The following GXYLT2 variants were observed in gnomAD, a reference collection of about 807,000 sequenced individuals.
The protein encoded by GXYLT2 is glucoside xylosyltransferase 2, also known as glycosyltransferase 8 domain containing 4.
In GXYLT2, 53 loss-of-function variants were observed where a neutral mutation model predicts 45.8. The observed-to-expected ratio is 1.16, with a 90% CI of 0.93 to 1.46. The LOEUF (loss-of-function observed/expected upper bound fraction) is 1.46. Among genes scored for constraint, GXYLT2 ranks in the 40% most tolerant of loss-of-function variants. GXYLT2 has a pLI of 0.00. For missense variants in GXYLT2, 551 were observed against 544.4 expected (o/e 1.01, Z -0.12); for synonymous variants, 219 against 214.2 (o/e 1.02, Z -0.19).
In GXYLT2 at chr3:72,920,819, T is replaced by TGTA. The variant is rs1491486551; in HGVS notation, c.469-1385_469-1384insGTA. ...ACATGCATATATATATATATATGTA[T>TGTA]TTTTTTTTTTTTTTAGTCAGAGTCT... On this transcript the variant is annotated intron_variant, in intron 2 of 6. Coordinates refer to ENST00000389617, the MANE Select transcript of GXYLT2 (RefSeq NM_001080393.2). Among the ~76,000 whole-genome samples the TGTA allele has an allele frequency of 5.0e-3, 482 of 96,532 alleles. 4 individuals carry two copies. Among genetic ancestry groups the TGTA allele is most frequent in the African/African-American group, 0.03 (453 of 14,986 alleles). 63.3% of individuals were successfully genotyped at this position (96,532 alleles called of 152,430 possible).
chr3:72,893,824 A>G (rs1709229905), intron 1 of GXYLT2, among the ~76,000 whole-genome samples: 1 of 151,732 alleles, frequency 6.6e-6, no homozygotes, highest in Non-Finnish European at 1.5e-5. Flanking sequence ...AATAGGTTTT[A>G]TTTTTTATTA....
chr3:72,967,251 A>C (rs1159408680), intron 5 of GXYLT2, among the ~76,000 whole-genome samples: 2 of 152,214 alleles, frequency 1.3e-5, no homozygotes, highest in Non-Finnish European at 2.9e-5. Context: ...GTTTTGAGTG[A>C]GAGAGTTGAG....
intron 3 of GXYLT2, among the ~76,000 whole-genome samples, chr3:72,938,889 A>G (rs1270292238): frequency 6.6e-6 from 1 of 152,130 alleles, no homozygotes. Context: ...GCTTTGCTCA[A>G]CTCAGAAGCA....
chr3:72,917,073 A>T (rs1334712748), intron 2 of GXYLT2, among the ~76,000 whole-genome samples: 1 of 152,072 alleles, frequency 6.6e-6, no homozygotes, highest in Non-Finnish European at 1.5e-5. Flanking sequence ...GGAAGATAGG[A>T]TGCTAACAAT....
chr3:72,956,002 C>T lies in GXYLT2; in HGVS notation c.852+653C>T, dbSNP rs866184203. Among the ~76,000 whole-genome samples, 12 of 152,224 alleles carry T rather than the reference C, an allele frequency of 7.9e-5. No individual in the cohort carries two copies. The Middle Eastern group carries it at 0.01, about 129-fold the overall frequency. ...CTAAGGCAGGAGAATCGTGTGAACC[C>T]GAACAGCAGAGGTTGCAGTGAGCCA... is the stretch of plus-strand genomic sequence containing the variant. On this transcript the variant is annotated intron_variant, in intron 4 of 6. Transcript: ENST00000389617.
rs1465889698 is a variant in GXYLT2, at chr3:72,911,959, GTGTGTGTGTGTGTGTGCA to G, written c.468+3417_468+3434del. ...AATGTATATAATATATAAGTTGGGT[GTGTGTGTGTGTGTGTGCA>G]TGTGTGTGTGTGTGTGTATATATAT... On this transcript the variant is annotated intron_variant, in intron 2 of 6. Transcript: ENST00000389617. 7.0e-5 allele frequency among the ~76,000 whole-genome samples: 10 copies of G among 142,476 alleles called. No homozygotes were observed. The East Asian group carries it at 1.4e-3, about 20-fold the overall frequency. The allele number at this position is 142,476 out of a possible 152,430, so 93.5% of individuals were successfully genotyped here.
At chr3:72,963,419 G>A (rs963780801) in intron 5 of GXYLT2, among the ~76,000 whole-genome samples, 3 of 151,810 alleles carry the variant, frequency 2.0e-5, no homozygotes, top group South Asian at 2.1e-4. Context: ...CTAAAAATAC[G>A]AAACTCTGGC....
At chr3:72,892,307 A>T (rs977068183) in intron 1 of GXYLT2, among the ~76,000 whole-genome samples, 1 of 152,134 alleles carries the variant, frequency 6.6e-6, no homozygotes, top group Admixed American at 6.5e-5. Context: ...TAGCGCTCTT[A>T]CTGATTACTC....
chr3:72,892,322 G>A (rs1259899716), intron 1 of GXYLT2, among the ~76,000 whole-genome samples: 4 of 152,112 alleles, frequency 2.6e-5, no homozygotes, highest in Non-Finnish European at 2.9e-5. Flanking sequence ...TTACTCAACC[G>A]CAACCCTGTC....
chr3:72,955,240 A>T lies in GXYLT2; in HGVS notation c.743A>T (p.Lys248Met). The T allele has an allele frequency of 1.2e-6, 2 of 1,614,026 alleles. No homozygotes were observed. Among genetic ancestry groups the T allele is most frequent in the Non-Finnish European group, 1.7e-6 (2 of 1,179,892 alleles). The change falls in exon 4 of 7, where the codon AAG becomes ATG. Residue 248 changes from lysine (K) to methionine (M), a missense_variant. Transcript: ENST00000389617. ...ATGGCCCCTGAGCACGAAATCCCCA[A>T]GATTGGCTGGTACAGCCGCTTTGCT... ...AAMAPEHEIPKIGWYSRFARH... is the reference protein window; with the variant it reads ...AAMAPEHEIPMIGWYSRFARH...
At chr3:72,897,250 A>C (rs1332373650) in intron 1 of GXYLT2, among the ~76,000 whole-genome samples, 1 of 152,224 alleles carries the variant, frequency 6.6e-6, no homozygotes, top group Non-Finnish European at 1.5e-5. Context: ...TGGAAAGTGC[A>C]AAGAGATAAA....
At position 72,912,617 on chromosome 3, in the gene GXYLT2, A is replaced by G. The variant is rs538794935; in HGVS notation, c.468+4058A>G. ...TGTAATGCTATGTGACAAAAAAAGG[A>G]TACAGCTTCTGCCTGGCTCTTTGTG... On this transcript the variant is annotated intron_variant, in intron 2 of 6. Coordinates refer to ENST00000389617, the MANE Select transcript of GXYLT2 (RefSeq NM_001080393.2). Among the ~76,000 whole-genome samples the G allele has an allele frequency of 5.3e-5, 8 of 152,328 alleles. No homozygotes were observed. In the South Asian group the frequency reaches 1.7e-3, roughly 32 times the overall value.
At chr3:72,930,162 A>G (rs572937013) in intron 3 of GXYLT2, among the ~76,000 whole-genome samples, 14 of 112,794 alleles carry the variant, frequency 1.2e-4, no homozygotes, top group East Asian at 7.2e-4. Context: ...GCGAAACTCC[A>G]TCTCAAAAAA....
At chr3:72,974,534 A>G (rs570167191) in intron 6 of GXYLT2, among the ~76,000 whole-genome samples, 23 of 152,334 alleles carry the variant, frequency 1.5e-4, no homozygotes, top group Admixed American at 4.6e-4. Context: ...GCTATGATAT[A>G]TGGACTTTCC....
At chr3:72,965,000 G>A (rs1434267632) in intron 5 of GXYLT2, among the ~76,000 whole-genome samples, 1 of 152,162 alleles carries the variant, frequency 6.6e-6, no homozygotes, top group African/African-American at 2.4e-5. Context: ...GCATTAAATT[G>A]CAGAAAGGTC....
intron 3 of GXYLT2, among the ~76,000 whole-genome samples, chr3:72,927,913 T>A (rs1709948674): frequency 6.6e-6 from 1 of 152,208 alleles, no homozygotes; most frequent in South Asian, 2.1e-4. Context: ...GAAACTCAAC[T>A]CCAACTAGCA....
intron 3 of GXYLT2, among the ~76,000 whole-genome samples, chr3:72,928,124 G>A (rs557391025): frequency 2.0e-5 from 3 of 152,258 alleles, no homozygotes; most frequent in Non-Finnish European, 2.9e-5. Flanking sequence ...TAGCAGCTAC[G>A]GCAGAAAAAG....
intron 2 of GXYLT2, among the ~76,000 whole-genome samples, chr3:72,919,543 T>C (rs143770268): frequency 0.029 from 4,441 of 152,256 alleles, 205 homozygotes; most frequent in African/African-American, 0.099. Context: ...TCACCTGAGG[T>C]CGGGAGTTTG....
At chr3:72,953,484 T>A (rs915032849) in intron 3 of GXYLT2, among the ~76,000 whole-genome samples, 1 of 151,780 alleles carries the variant, frequency 6.6e-6, no homozygotes, top group Non-Finnish European at 1.5e-5. Flanking sequence ...AAAGATGGGG[T>A]TTCACCATTT....
Sources: allele counts gnomAD v4.1 joint callset (sites outside exome capture counted in the v4.1 genomes callset), GRCh38; gene constraint gnomAD v4.1.1; transcripts MANE v1.5; gene names NCBI Gene and HGNC (gene_info 2026-07-23, HGNC 2026-07-21).